Variants in TGS1 observed in about 807,000 individuals in gnomAD.
TGS1 encodes the protein trimethylguanosine synthase 1, also known as trimethylguanosine synthase.
In TGS1, 69 loss-of-function variants were observed where a neutral mutation model predicts 92.2. The ratio of observed to expected loss-of-function variants is 0.75; its 90% CI spans 0.62 to 0.91. The LOEUF (loss-of-function observed/expected upper bound fraction) is 0.91, where lower values mean the gene tolerates loss of function less well. Ranked by LOEUF, TGS1 falls within the 40% of genes least tolerant of loss-of-function variation. The pLI is 0.00. For missense variants in TGS1, 1,062 were observed against 1,001.2 expected (o/e 1.06, Z -0.82); for synonymous variants, 345 against 338.1 (o/e 1.02, Z -0.22).
chr8:55,804,844 T>G, intron 9 of TGS1, 49 bp from the exon 10 acceptor site: 1 of 1,574,912 alleles, frequency 6.3e-7, no homozygotes, highest in Non-Finnish European at 8.7e-7. Context: ...TATGCTTGCC[T>G]TGGCTTCTTG....
intron 1 of TGS1, among the ~76,000 whole-genome samples, chr8:55,777,293 T>G (rs1438554381): frequency 2.7e-5 from 4 of 150,064 alleles, no homozygotes; most frequent in East Asian, 2.0e-4. Context: ...ACAGGTGTTT[T>G]TTTTTTTTTT....
At chr8:55,817,196 C>T (rs1803504356) in intron 12 of TGS1, among the ~76,000 whole-genome samples, 1 of 152,118 alleles carries the variant, frequency 6.6e-6, no homozygotes, top group African/African-American at 2.4e-5. Flanking sequence ...GTACTTGAGG[C>T]TCCAATTGTC....
At chr8:55,791,651 C>G (rs543600453) in intron 5 of TGS1, among the ~76,000 whole-genome samples, 2 of 152,358 alleles carry the variant, frequency 1.3e-5, no homozygotes, top group East Asian at 3.9e-4. Flanking sequence ...GACCTCTCTC[C>G]TCAGTGAAAC....
rs1397890556 is a variant in TGS1 at position 55,804,998 on chromosome 8, G to C, written c.2105G>C (p.Gly702Ala). 1 of 1,613,894 alleles carries C rather than the reference G, an allele frequency of 6.2e-7. No individual in the cohort carries two copies. The highest frequency in any genetic ancestry group is 1.3e-5 in the African/African-American group (1 of 74,876). ...GTAGTAGACGCATTCTGTGGAGTTG[G>C]AGGAAATACCATTCAGTTTGCCTTA... ...DVVVDAFCGV[G>A]GNTIQFALTG... The change falls in exon 10 of 13, where the codon GGA becomes GCA. Residue 702 changes from glycine (G) to alanine (A), a missense_variant. Gly to Ala is a moderately conservative substitution (Grantham distance 60). Coordinates refer to ENST00000260129, the MANE Select transcript of TGS1 (RefSeq NM_024831.8).
intron 6 of TGS1, among the ~76,000 whole-genome samples, chr8:55,793,770 A>ATTTT (rs1374178480): frequency 1.1e-4 from 16 of 143,588 alleles, no homozygotes; most frequent in African/African-American, 4.5e-4. Context: ...TTATTTATTT[A>ATTTT]TTTATTTTTT....
At chr8:55,788,844 A>T (rs1811794456) in intron 4 of TGS1, among the ~76,000 whole-genome samples, 1 of 152,110 alleles carries the variant, frequency 6.6e-6, no homozygotes, top group Non-Finnish European at 1.5e-5. Flanking sequence ...TTGACCATAA[A>T]GTTTATAATA....
At chr8:55,812,179 C>T (rs939390120) in intron 11 of TGS1, among the ~76,000 whole-genome samples, 1 of 151,970 alleles carries the variant, frequency 6.6e-6, no homozygotes. Context: ...GCCTCTCCAC[C>T]GTAATCATCT....
At chr8:55,820,057 G>C (rs138808102) in intron 12 of TGS1, among the ~76,000 whole-genome samples, 1 of 152,224 alleles carries the variant, frequency 6.6e-6, no homozygotes, top group East Asian at 1.9e-4. Flanking sequence ...ACATTTCTGC[G>C]TATCATAGAT....
rs1209056003 is a variant in TGS1, at chr8:55,796,003, C to T, written c.1393C>T (p.His465Tyr). ...ATATGGTGGAATCCCAAATTTCAGT[C>T]ATCGGCAGGTCAGGTATTTAGAGAA... ...QKYGGIPNFS[H>Y]RQVRYLEKNV... The change falls in exon 7 of 13, where the codon CAT becomes TAT. Residue 465 changes from histidine (H) to tyrosine (Y), a missense_variant. Transcript: ENST00000260129. 6.2e-7 allele frequency: 1 copy of T among 1,613,356 alleles called. No homozygotes were observed. Among genetic ancestry groups the T allele is most frequent in the East Asian group, 2.2e-5 (1 of 44,770 alleles).
intron 1 of TGS1, among the ~76,000 whole-genome samples, chr8:55,778,454 T>C (rs1811462510): frequency 6.6e-6 from 1 of 152,198 alleles, no homozygotes; most frequent in Non-Finnish European, 1.5e-5. Flanking sequence ...TCAGACACTT[T>C]AACATTAATA....
In TGS1 at chr8:55,802,118, C is replaced by T. The variant is rs1267848174; in HGVS notation, c.1850-339C>T. ...CTGAGGCAGGAGAATGGTGTGAACCCGGGAGGCGGAGCTTGCAGTGAGCCA... is the reference window on the plus strand; with the variant it reads ...CTGAGGCAGGAGAATGGTGTGAACCTGGGAGGCGGAGCTTGCAGTGAGCCA... On this transcript the variant is annotated intron_variant, in intron 8 of 12. Coordinates refer to ENST00000260129, the MANE Select transcript of TGS1 (RefSeq NM_024831.8). Among the ~76,000 whole-genome samples the T allele has an allele frequency of 4.6e-5, 7 of 152,072 alleles. No homozygotes were observed. The South Asian group carries it at 6.2e-4, about 13-fold the overall frequency.
intron 10 of TGS1, 46 bp downstream of exon 10, chr8:55,805,082 T>A (rs1563463927): frequency 6.4e-7 from 1 of 1,559,038 alleles, no homozygotes; most frequent in Non-Finnish European, 8.8e-7. Context: ...TCCAGTTAAT[T>A]CAGTAAATGT....
Position 55,790,238 on chromosome 8 carries a change from A to G in TGS1, c.1219A>G (p.Thr407Ala), listed in dbSNP as rs141878947. The G allele has an allele frequency of 1.0e-4, 161 of 1,614,126 alleles. No individual in the cohort carries two copies. In the African/African-American group the frequency reaches 2.0e-3, roughly 20 times the overall value. ...TSKDRPHASGTDGDESEEDPP... is the reference protein window; with the variant it reads ...TSKDRPHASGADGDESEEDPP... ...CAAAGACAGACCACATGCCAGTGGTACTGATGGAGATGAAAGTGAGGAAGA... is the reference window on the plus strand; with the variant it reads ...CAAAGACAGACCACATGCCAGTGGTGCTGATGGAGATGAAAGTGAGGAAGA... Residue 407 changes from threonine (T) to alanine (A), a missense_variant, in exon 5 of 13, where the codon ACT becomes GCT. Thr to Ala is a moderately conservative substitution (Grantham distance 58). Transcript: ENST00000260129.
chr8:55,800,424 A>G (rs1025518514), intron 8 of TGS1, among the ~76,000 whole-genome samples: 6 of 152,226 alleles, frequency 3.9e-5, no homozygotes, highest in Non-Finnish European at 8.8e-5. Flanking sequence ...AATTAGCCCA[A>G]GTAAGTGGCA....
intron 7 of TGS1, among the ~76,000 whole-genome samples, chr8:55,797,167 G>A (rs1480854629): frequency 6.6e-6 from 1 of 152,122 alleles, no homozygotes; most frequent in Non-Finnish European, 1.5e-5. Context: ...GCAGGGCTGG[G>A]GAGGCCTCAG....
intron 4 of TGS1, 147 bp from the exon 5 acceptor site, chr8:55,790,035 C>G: frequency 3.2e-6 from 2 of 632,632 alleles, no homozygotes; most frequent in South Asian, 3.9e-5. Flanking sequence ...CATGTAGACA[C>G]AAACAGGTAG....
chr8:55,794,949 G>C (rs1285259202), intron 6 of TGS1, among the ~76,000 whole-genome samples: 1 of 152,152 alleles, frequency 6.6e-6, no homozygotes. Flanking sequence ...TCTCAAAATT[G>C]AATTGAATTC....
At chr8:55,779,389 C>G (rs1249140936) in intron 1 of TGS1, among the ~76,000 whole-genome samples, 1 of 152,206 alleles carries the variant, frequency 6.6e-6, no homozygotes, top group African/African-American at 2.4e-5. Flanking sequence ...CCTTGGACAT[C>G]TGATTTACCT....
intron 2 of TGS1, among the ~76,000 whole-genome samples, chr8:55,783,985 T>G (rs1407254374): frequency 1.3e-5 from 2 of 152,224 alleles, no homozygotes; most frequent in Non-Finnish European, 2.9e-5. Flanking sequence ...AATGGAGTAG[T>G]GAGTGGAATC....
Sources: gnomAD v4.1 joint callset for allele counts (sites outside exome capture counted in the v4.1 genomes callset) on GRCh38, gnomAD v4.1.1 for gene constraint, MANE v1.5 for transcripts, NCBI Gene and HGNC (gene_info 2026-07-23, HGNC 2026-07-21) for gene names.